GALNT13: variants seen among roughly 807,000 people sequenced by gnomAD.
The protein encoded by GALNT13 is polypeptide N-acetylgalactosaminyltransferase 13.
A neutral mutation model predicts 64.2 loss-of-function variants in GALNT13; 28 were observed. The observed-to-expected ratio is 0.44, with a 90% CI of 0.32 to 0.60. GALNT13 has a LOEUF of 0.60. Among genes scored for constraint, GALNT13 ranks in the 20% least tolerant of loss-of-function variants. The pLI, the probability that GALNT13 is intolerant of heterozygous loss-of-function variation, is 0.05. For synonymous variants in GALNT13, 214 were observed against 224.6 expected (o/e 0.95, Z 0.42); for missense variants, 577 against 669.8 (o/e 0.86, Z 1.53).
chr2:154,230,514 T>C lies in GALNT13; in HGVS notation c.312-11516T>C, dbSNP rs1308349490. Among the ~76,000 whole-genome samples the C allele has an allele frequency of 3.3e-5, 5 of 152,180 alleles. No individual in the cohort carries two copies. In the East Asian group the frequency reaches 5.8e-4, roughly 18 times the overall value. On this transcript the variant is annotated intron_variant, in intron 4 of 12. Coordinates refer to ENST00000392825, the MANE Select transcript of GALNT13 (RefSeq NM_052917.4). The stretch of plus-strand genomic sequence containing the variant: ...CAAAATTCAAGAGAGTTCTTCACAA[T>C]AGAAAGAATATAAAACTTGCTTGCA...
the GALNT13 span, among the ~76,000 whole-genome samples, chr2:153,256,255 G>T: frequency 1.3e-5 from 2 of 151,354 alleles, no homozygotes; most frequent in Non-Finnish European, 3.0e-5. Flanking sequence ...CCAGTTGATC[G>T]CATCAGCTCC....
intron 4 of GALNT13, among the ~76,000 whole-genome samples, chr2:154,180,115 A>G (rs1287740809): frequency 6.6e-6 from 1 of 152,174 alleles, no homozygotes; most frequent in East Asian, 1.9e-4. Context: ...ACCCAAACAC[A>G]CATAATACAG....
At chr2:153,853,032 T>C in the GALNT13 span, among the ~76,000 whole-genome samples, 2 of 152,092 alleles carry the variant, frequency 1.3e-5, no homozygotes, top group African/African-American at 4.8e-5. Flanking sequence ...CTGCCTTCAG[T>C]CTATGGCTGA....
chr2:153,663,574 A>G, the GALNT13 span, among the ~76,000 whole-genome samples: 1 of 152,208 alleles, frequency 6.6e-6, no homozygotes, highest in Non-Finnish European at 1.5e-5. Context: ...GTCAGTTTGA[A>G]ATATGGCTGT....
chr2:153,094,998 A>G, the GALNT13 span, among the ~76,000 whole-genome samples: 2 of 152,202 alleles, frequency 1.3e-5, no homozygotes, highest in African/African-American at 4.8e-5. Context: ...CATGACTAAA[A>G]CACCAAAAGC....
At chr2:154,416,769 T>A (rs1222523433) in intron 11 of GALNT13, among the ~76,000 whole-genome samples, 2 of 152,144 alleles carry the variant, frequency 1.3e-5, no homozygotes, top group African/African-American at 2.4e-5. Flanking sequence ...GTCAACAAAG[T>A]CTTAGGATAC....
chr2:153,582,639 T>C, the GALNT13 span, among the ~76,000 whole-genome samples: 1 of 152,166 alleles, frequency 6.6e-6, no homozygotes, highest in Admixed American at 6.6e-5. Flanking sequence ...TATAAAATTA[T>C]GGTTGCTTCT....
intron 9 of GALNT13, among the ~76,000 whole-genome samples, chr2:154,364,996 T>TTTGGGCG (rs1390452571): frequency 6.6e-6 from 1 of 152,200 alleles, no homozygotes; most frequent in Non-Finnish European, 1.5e-5. Flanking sequence ...TTTATGTACA[T>TTTGGGCG]TTGCATTCTT....
chr2:153,184,778 T>C, the GALNT13 span, among the ~76,000 whole-genome samples: 1 of 152,216 alleles, frequency 6.6e-6, no homozygotes, highest in Non-Finnish European at 1.5e-5. Flanking sequence ...TTGATTTGCA[T>C]ATGTTGAGCC....
At chr2:153,783,601 G>A in the GALNT13 span, among the ~76,000 whole-genome samples, 13 of 152,094 alleles carry the variant, frequency 8.5e-5, no homozygotes, top group East Asian at 1.7e-3. Context: ...ATAGGGTTTC[G>A]CTGTGTGCCC....
intron 8 of GALNT13, among the ~76,000 whole-genome samples, chr2:154,298,573 A>AATTATATATACAATTTAT (rs1693117914): frequency 9.1e-5 from 1 of 10,972 alleles, no homozygotes; most frequent in African/African-American, 2.1e-4. Context: ...TTTATATATA[A>AATTATATATACAATTTAT]ATTGTATATA....
intron 4 of GALNT13, among the ~76,000 whole-genome samples, chr2:154,237,254 T>A (rs1689240207): frequency 6.6e-6 from 1 of 151,790 alleles, no homozygotes; most frequent in Non-Finnish European, 1.5e-5. Flanking sequence ...ACATTTCAGA[T>A]GAGACCTTTG....
intron 9 of GALNT13, among the ~76,000 whole-genome samples, chr2:154,346,853 A>G (rs1337406602): frequency 6.6e-6 from 1 of 152,140 alleles, no homozygotes; most frequent in Non-Finnish European, 1.5e-5. Flanking sequence ...ACCCTGGTCA[A>G]ATAGCCATGC....
chr2:153,672,488 A>G, the GALNT13 span, among the ~76,000 whole-genome samples: 2 of 152,126 alleles, frequency 1.3e-5, no homozygotes, highest in African/African-American at 4.8e-5. Context: ...GAAATAAAGA[A>G]GTTCTTTGAA....
chr2:153,171,843 G>T, the GALNT13 span: 1 of 152,236 alleles, frequency 6.6e-6, no homozygotes, highest in Middle Eastern at 3.4e-3. Context: ...GTTAATTATA[G>T]CTGAAACTAT....
chr2:153,445,943 T>C, the GALNT13 span, among the ~76,000 whole-genome samples: 1 of 152,220 alleles, frequency 6.6e-6, no homozygotes, highest in Non-Finnish European at 1.5e-5. Flanking sequence ...ATGATGATTT[T>C]TGTTTCTAAG....
chr2:153,108,897 A>G, the GALNT13 span, among the ~76,000 whole-genome samples: 1 of 152,300 alleles, frequency 6.6e-6, no homozygotes, highest in South Asian at 2.1e-4. Context: ...ATTTCATTCA[A>G]TAAGTAGTAT....
At chr2:154,438,523 G>C (rs1449871022) in intron 11 of GALNT13, 69 bp from the exon 12 acceptor site, 1 of 1,194,632 alleles carries the variant, frequency 8.4e-7, no homozygotes, top group Non-Finnish European at 1.2e-6. Flanking sequence ...AAGCTTCCCT[G>C]GATAGATCTG....
the GALNT13 span, among the ~76,000 whole-genome samples, chr2:153,656,317 A>AGTGTGTGT: frequency 7.0e-3 from 1,052 of 149,462 alleles, 11 homozygotes; most frequent in African/African-American, 0.023. Context: ...GACTTAAAGA[A>AGTGTGTGT]GTGTGTGTGT....
Sources: allele counts gnomAD v4.1 joint callset (sites outside exome capture counted in the v4.1 genomes callset), GRCh38; gene constraint gnomAD v4.1.1; transcripts MANE v1.5; gene names NCBI Gene and HGNC (gene_info 2026-07-23, HGNC 2026-07-21).